The following ADCY8 variants were observed in gnomAD, a reference collection of about 807,000 sequenced individuals.
The protein encoded by ADCY8 is adenylate cyclase 8.
In ADCY8, 51 loss-of-function variants were observed where a neutral mutation model predicts 119.7. The observed-to-expected ratio is 0.43, with a 90% CI of 0.34 to 0.54. The LOEUF (loss-of-function observed/expected upper bound fraction) is 0.54, where lower values mean the gene tolerates loss of function less well. Ranked by LOEUF, ADCY8 falls within the 20% of genes least tolerant of loss-of-function variation. The pLI is 0.03. For missense variants in ADCY8, 1,383 were observed against 1,598.8 expected (o/e 0.87, Z 2.30); for synonymous variants, 665 against 651.0 (o/e 1.02, Z -0.33).
chr8:130,903,852 G>A lies in ADCY8; in HGVS notation c.1831C>T (p.Arg611Trp), dbSNP rs112009062. Residue 611 changes from arginine to tryptophan, a missense_variant, in exon 7 of 18, where the codon CGG becomes TGG. Transcript: ENST00000286355. ...GTGAATGTGGCCCCACTGTTTCTCC[G>A]GTCTGAGGAGCTCACTGACTCCTTG... ...IVKESVSSSD[R>W]RNSGATFTEG... is the part of the protein sequence containing the mutation. 1.8e-5 allele frequency: 29 copies of A among 1,613,906 alleles called. No homozygotes were observed. Among genetic ancestry groups the A allele is most frequent in the African/African-American group, 8.0e-5 (6 of 75,006 alleles).
At chr8:131,024,435 C>G (rs1396566454) in intron 1 of ADCY8, among the ~76,000 whole-genome samples, 2 of 152,164 alleles carry the variant, frequency 1.3e-5, no homozygotes, top group Middle Eastern at 3.2e-3. Flanking sequence ...TGAGTTCCTT[C>G]AGGCTACCTT....
intron 7 of ADCY8, among the ~76,000 whole-genome samples, chr8:130,885,567 T>A (rs1051180194): frequency 6.6e-6 from 1 of 151,898 alleles, no homozygotes; most frequent in Admixed American, 6.6e-5. Flanking sequence ...TTCCTCCTGG[T>A]GATTCAGTAG....
intron 5 of ADCY8, among the ~76,000 whole-genome samples, chr8:130,926,953 A>ATATATATG (rs1182144784): frequency 6.6e-6 from 1 of 151,472 alleles, no homozygotes. Flanking sequence ...ATATATATAT[A>ATATATATG]TATATATACA....
At chr8:131,036,978 C>T (rs1404862423) in intron 1 of ADCY8, among the ~76,000 whole-genome samples, 1 of 152,060 alleles carries the variant, frequency 6.6e-6, no homozygotes, top group Non-Finnish European at 1.5e-5. Context: ...TATGTGTTAC[C>T]AGACATGGAA....
At chr8:131,008,498 T>C (rs1181201575) in intron 1 of ADCY8, among the ~76,000 whole-genome samples, 2 of 152,200 alleles carry the variant, frequency 1.3e-5, no homozygotes, top group African/African-American at 4.8e-5. Context: ...ACTATAATTG[T>C]AAGTTTCCTG....
chr8:130,863,278 T>C (rs1352785817), intron 9 of ADCY8, among the ~76,000 whole-genome samples: 1 of 152,156 alleles, frequency 6.6e-6, no homozygotes, highest in Admixed American at 6.5e-5. Context: ...GTGAAATTGA[T>C]ATAGCTACTT....
At chr8:130,813,193 C>T (rs568146809) in intron 14 of ADCY8, among the ~76,000 whole-genome samples, 191 of 152,264 alleles carry the variant, frequency 1.3e-3, no homozygotes, top group African/African-American at 4.2e-3. Flanking sequence ...ATGGTCCACC[C>T]GCCTGAGCCT....
chr8:130,869,297 A>G (rs1173978944), intron 8 of ADCY8, among the ~76,000 whole-genome samples: 1 of 152,114 alleles, frequency 6.6e-6, no homozygotes, highest in Non-Finnish European at 1.5e-5. Flanking sequence ...AAACCACAGA[A>G]AGCCCATATT....
intron 5 of ADCY8, among the ~76,000 whole-genome samples, chr8:130,918,562 ATTAAT>A (rs1283752915): frequency 6.6e-6 from 1 of 152,254 alleles, no homozygotes; most frequent in African/African-American, 2.4e-5. Flanking sequence ...TCCCATTTTA[ATTAAT>A]TTAAAAATTA....
intron 5 of ADCY8, among the ~76,000 whole-genome samples, chr8:130,924,870 C>A (rs930554077): frequency 6.6e-6 from 1 of 152,068 alleles, no homozygotes; most frequent in Admixed American, 6.5e-5. Context: ...TGAGCCAATA[C>A]ATGCAAGACA....
At chr8:130,873,466 G>GCGC in intron 8 of ADCY8, among the ~76,000 whole-genome samples, 1 of 152,152 alleles carries the variant, frequency 6.6e-6, no homozygotes, top group Middle Eastern at 3.4e-3. Flanking sequence ...TTACAGGCAT[G>GCGC]CGCCACCACA....
intron 6 of ADCY8, among the ~76,000 whole-genome samples, chr8:130,909,355 A>G (rs1000775379): frequency 5.3e-5 from 8 of 152,328 alleles, no homozygotes; most frequent in African/African-American, 1.9e-4. Flanking sequence ...AATTCACTGA[A>G]GAACTTAAAA....
intron 2 of ADCY8, among the ~76,000 whole-genome samples, chr8:130,961,480 T>G (rs1474126350): frequency 6.6e-6 from 1 of 152,088 alleles, no homozygotes; most frequent in East Asian, 1.9e-4. Context: ...TTTATGAGTC[T>G]TCATAAATCT....
chr8:130,862,175 T>C (rs893442644), intron 9 of ADCY8, among the ~76,000 whole-genome samples: 12 of 152,190 alleles, frequency 7.9e-5, no homozygotes, highest in African/African-American at 2.9e-4. Flanking sequence ...TGTTTTCCTG[T>C]TTTCAGTTTT....
In ADCY8 at chr8:130,903,834, T is replaced by G. The variant is rs755436255; in HGVS notation, c.1849A>C (p.Thr617Pro). 11 of 1,613,852 alleles carry G rather than the reference T, an allele frequency of 6.8e-6. No individual in the cohort carries two copies. Among genetic ancestry groups the G allele is most frequent in the Non-Finnish European group, 9.3e-6 (11 of 1,180,004 alleles). The change falls in exon 7 of 18, where the codon ACA becomes CCA. Residue 617 changes from threonine (T) to proline (P), a missense_variant. Physicochemically the swap from Thr to Pro is conservative, Grantham distance 38. Transcript: ENST00000286355. ...GGGCTCCAGGATCCTTCAGTGAATG[T>G]GGCCCCACTGTTTCTCCGGTCTGAG... ...SSSDRRNSGATFTEGSWSPEL... is the reference protein window; with the variant it reads ...SSSDRRNSGAPFTEGSWSPEL...
chr8:130,900,162 G>A (rs1014082910), intron 7 of ADCY8, among the ~76,000 whole-genome samples: 2 of 152,170 alleles, frequency 1.3e-5, no homozygotes, highest in Admixed American at 6.5e-5. Context: ...GGGCATGGGT[G>A]TTCAGGATGT....
At chr8:130,862,557 C>T (rs939190683) in intron 9 of ADCY8, among the ~76,000 whole-genome samples, 17 of 152,106 alleles carry the variant, frequency 1.1e-4, no homozygotes, top group Non-Finnish European at 2.9e-5. Flanking sequence ...GGACTACAGA[C>T]GCCGGCCACC....
chr8:131,006,048 TCACACACACACACG>T (rs1239320341), intron 1 of ADCY8, among the ~76,000 whole-genome samples: 1 of 151,434 alleles, frequency 6.6e-6, no homozygotes, highest in Non-Finnish European at 1.5e-5. Context: ...TCTCTCTCTG[TCACACACACACACG>T]CACACACACA....
At chr8:131,021,235 C>T (rs1220398055) in intron 1 of ADCY8, among the ~76,000 whole-genome samples, 1 of 152,168 alleles carries the variant, frequency 6.6e-6, no homozygotes, top group Non-Finnish European at 1.5e-5. Context: ...CAGTCTAGGG[C>T]TGGCATGGTG....
Sources: gnomAD v4.1 joint callset for allele counts (sites outside exome capture counted in the v4.1 genomes callset) on GRCh38, gnomAD v4.1.1 for gene constraint, MANE v1.5 for transcripts, NCBI Gene and HGNC (gene_info 2026-07-23, HGNC 2026-07-21) for gene names.